The following SCAMP5 variants were observed in gnomAD, a reference collection of about 807,000 sequenced individuals.
The protein encoded by SCAMP5 is secretory carrier-associated membrane protein 5.
SCAMP5 carries 7 observed loss-of-function variants against 28.3 expected under a neutral mutation model. That is an observed-to-expected ratio of 0.25 (90% CI 0.14 to 0.46). The LOEUF (loss-of-function observed/expected upper bound fraction) is 0.46. Among genes scored for constraint, SCAMP5 ranks in the 20% least tolerant of loss-of-function variants. SCAMP5 has a pLI of 0.99. For missense variants in SCAMP5, 192 were observed against 312.5 expected, an observed-to-expected ratio of 0.61 and a Z score of 2.91; for synonymous variants, 117 against 116.4, an observed-to-expected ratio of 1.00 and a Z score of -0.03.
Position 75,019,051 on chromosome 15 carries a change from T to C in SCAMP5, c.*68T>C, listed in dbSNP as rs2065884196. 6.8e-6 allele frequency: 8 copies of C among 1,169,158 alleles called. 1 individual carries two copies. The African/African-American group carries it at 8.0e-5, about 12-fold the overall frequency. The allele number at this position is 1,169,158 out of a possible 1,614,324, so 72.4% of individuals were successfully genotyped here. A position where few individuals can be genotyped will look rare whatever the true frequency, so the allele number is the denominator to read the frequency against. ...CAGGGGGCTCAAGCCACATCGTCAT[T>C]TGTGGTTACCAAGCAGGGTTCCCCC... is the stretch of plus-strand genomic sequence containing the variant. On this transcript the variant is annotated 3_prime_UTR_variant, in exon 7 of 7. Coordinates refer to ENST00000425597, the MANE Select transcript of SCAMP5 (RefSeq NM_138967.4).
chr15:75,005,346 C>T (rs2065746457), intron 1 of SCAMP5, among the ~76,000 whole-genome samples: 1 of 151,544 alleles, frequency 6.6e-6, no homozygotes, highest in Admixed American at 6.6e-5. Context: ...CCTGTAATCC[C>T]AGCTACTCCA....
At chr15:75,015,830 G>A (rs1187423247) in intron 3 of SCAMP5, among the ~76,000 whole-genome samples, 1 of 150,022 alleles carries the variant, frequency 6.7e-6, no homozygotes, top group Admixed American at 6.7e-5. Flanking sequence ...GGAGGCTGAA[G>A]CAGGAGAATC....
At chr15:75,003,639 G>C (rs759560302) in intron 1 of SCAMP5, among the ~76,000 whole-genome samples, 1 of 151,906 alleles carries the variant, frequency 6.6e-6, no homozygotes, top group Non-Finnish European at 1.5e-5. Context: ...GCGAGACCTC[G>C]TCTCTACAAA....
At chr15:75,004,768 C>G (rs1221643203) in intron 1 of SCAMP5, among the ~76,000 whole-genome samples, 1 of 151,538 alleles carries the variant, frequency 6.6e-6, no homozygotes, top group Non-Finnish European at 1.5e-5. Context: ...GAAACAAAAA[C>G]ATGCACACAT....
rs545312489 is a variant in SCAMP5, at chr15:75,000,601, G to C, written c.-49+4928G>C. On this transcript the variant is annotated intron_variant, in intron 1 of 6. Transcript: ENST00000425597. ...AGGTTTCACCGTGTTAGCCAGGATG[G>C]TCTCAATTTCCTGACCTCGTGATCC... 2.6e-5 allele frequency among the ~76,000 whole-genome samples: 4 copies of C among 151,408 alleles called. No individual in the cohort carries two copies. In the East Asian group the frequency reaches 7.8e-4, roughly 30 times the overall value.
In SCAMP5 at chr15:75,012,698, C is replaced by T. The variant is rs1567027745; in HGVS notation, c.29C>T (p.Pro10Leu). MAEKVNNFP[P>L]LPKFIPLKPC... ...ACAGAGAAAGTGAACAACTTCCCAC[C>T]ATTGCCCAAATTCATCCCGCTGAAG... Residue 10 changes from proline (P) to leucine (L), a missense_variant, in exon 3 of 7, where the codon CCA (proline) becomes CTA (leucine). Coordinates refer to ENST00000425597, the MANE Select transcript of SCAMP5 (RefSeq NM_138967.4). 6.2e-7 allele frequency: 1 copy of T among 1,613,986 alleles called. No homozygotes were observed. Among genetic ancestry groups the T allele is most frequent in the Middle Eastern group, 1.7e-4 (1 of 6,060 alleles).
chr15:75,015,474 T>A (rs1031557144), intron 3 of SCAMP5, among the ~76,000 whole-genome samples: 1 of 151,852 alleles, frequency 6.6e-6, no homozygotes, highest in African/African-American at 2.4e-5. Flanking sequence ...CTGGGTCCTG[T>A]TCTTGGGGAA....
At chr15:75,008,288 C>A (rs2065779633) in intron 1 of SCAMP5, among the ~76,000 whole-genome samples, 1 of 151,898 alleles carries the variant, frequency 6.6e-6, no homozygotes, top group African/African-American at 2.4e-5. Flanking sequence ...CATCGTAGCC[C>A]TTCCGTTATG....
intron 4 of SCAMP5, 80 bp downstream of exon 4, chr15:75,016,829 C>CTT (rs371189916): frequency 5.0e-4 from 487 of 979,796 alleles, no homozygotes; most frequent in Non-Finnish European, 5.7e-4. Flanking sequence ...TTTCTCACTT[C>CTT]TTTTTTTTTT....
In SCAMP5 at chr15:75,019,668, C is replaced by T. The variant is rs1470586965; in HGVS notation, c.*685C>T. 1 of 152,818 alleles carries T rather than the reference C, an allele frequency of 6.5e-6. No homozygotes were observed. The highest frequency in any genetic ancestry group is 1.5e-5 in the Non-Finnish European group (1 of 68,192). The allele number at this position is 152,818 out of a possible 1,614,324, so 9.5% of individuals were successfully genotyped here. On this transcript the variant is annotated 3_prime_UTR_variant, in exon 7 of 7. Coordinates refer to ENST00000425597, the MANE Select transcript of SCAMP5 (RefSeq NM_138967.4). ...TGGCTTTTCTTTGTCTTCCCCAAGG[C>T]TGAGTGTCCCAGTTTTATCTGCTCC...
intron 1 of SCAMP5, among the ~76,000 whole-genome samples, chr15:75,001,291 AG>A (rs1276611359): frequency 1.5e-4 from 22 of 149,214 alleles, no homozygotes; most frequent in Non-Finnish European, 2.8e-4. Flanking sequence ...AAAAAAAAAA[AG>A]ATTCAGATCC....
chr15:75,004,501 G>A (rs1036599897), intron 1 of SCAMP5, among the ~76,000 whole-genome samples: 11 of 151,998 alleles, frequency 7.2e-5, no homozygotes, highest in African/African-American at 2.2e-4. Context: ...AGGCCAAGGC[G>A]GGTGGATCTC....
rs2065898428 is a variant in SCAMP5, at chr15:75,020,755, C to T, written c.*1772C>T. ...GAGCTGTTTGGACAAAAATCCAAAC[C>T]CCACTTGGCTACTCTGGCCTGGCTT... On this transcript the variant is annotated 3_prime_UTR_variant, in exon 7 of 7. Transcript: ENST00000425597. 6.6e-6 allele frequency: 1 copy of T among 152,182 alleles called. No individual in the cohort carries two copies. Among genetic ancestry groups the T allele is most frequent in the Admixed American group, 6.5e-5 (1 of 15,274 alleles). The allele number at this position is 152,182 out of a possible 1,614,324, so 9.4% of individuals were successfully genotyped here. A position where few individuals can be genotyped will look rare whatever the true frequency, so the allele number is the denominator to read the frequency against.
chr15:74,997,923 A>G (rs1250152747), intron 1 of SCAMP5, among the ~76,000 whole-genome samples: 2 of 152,136 alleles, frequency 1.3e-5, no homozygotes, highest in Non-Finnish European at 2.9e-5. Flanking sequence ...GTAGAGCAGG[A>G]GGGGGAAACT....
chr15:75,009,109 G>T (rs1354216679), intron 1 of SCAMP5, among the ~76,000 whole-genome samples: 2 of 151,966 alleles, frequency 1.3e-5, no homozygotes, highest in African/African-American at 2.4e-5. Context: ...AGTACCCAGA[G>T]AACTGCTTCC....
chr15:75,003,770 G>A (rs569383567), intron 1 of SCAMP5, among the ~76,000 whole-genome samples: 13 of 152,180 alleles, frequency 8.5e-5, no homozygotes, highest in South Asian at 2.1e-4. Context: ...TGATTGCACC[G>A]CTGCACTCCA....
At chr15:75,017,779 T>A in intron 4 of SCAMP5, 91 bp from the exon 5 acceptor site, 1 of 816,790 alleles carries the variant, frequency 1.2e-6, no homozygotes, top group Non-Finnish European at 2.2e-6. Flanking sequence ...CTGTCCATTA[T>A]GCACTTAAAC....
intron 4 of SCAMP5, among the ~76,000 whole-genome samples, chr15:75,017,033 A>G (rs2065865853): frequency 6.6e-6 from 1 of 151,444 alleles, no homozygotes; most frequent in Non-Finnish European, 1.5e-5. Flanking sequence ...CCCCTTCCTC[A>G]GGCAGCTGCA....
chr15:75,008,252 A>G (rs891314819), intron 1 of SCAMP5, among the ~76,000 whole-genome samples: 1 of 152,132 alleles, frequency 6.6e-6, no homozygotes, highest in South Asian at 2.1e-4. Context: ...ATTAATAAGT[A>G]TATAAAGAAT....
Sources: allele counts gnomAD v4.1 joint callset (sites outside exome capture counted in the v4.1 genomes callset), GRCh38; gene constraint gnomAD v4.1.1; transcripts MANE v1.5; gene names NCBI Gene and HGNC (gene_info 2026-07-23, HGNC 2026-07-21).